The following MACROD2 variants were observed in gnomAD, a reference collection of about 807,000 sequenced individuals.
MACROD2 encodes ADP-ribose glycohydrolase MACROD2.
MACROD2 carries 36 observed loss-of-function variants against 70.4 expected under a neutral mutation model. That is an observed-to-expected ratio of 0.51 (90% CI 0.39 to 0.68). The LOEUF (loss-of-function observed/expected upper bound fraction) is 0.68, where lower values mean the gene tolerates loss of function less well. Ranked by LOEUF, MACROD2 falls within the 30% of genes least tolerant of loss-of-function variation. The pLI, the probability that MACROD2 is intolerant of heterozygous loss-of-function variation, is 0.00. For synonymous variants in MACROD2, 172 were observed against 178.8 expected (o/e 0.96, Z 0.30); for missense variants, 496 against 538.4 (o/e 0.92, Z 0.78).
intron 8 of MACROD2, among the ~76,000 whole-genome samples, chr20:15,780,399 A>G (rs1315578074): frequency 6.6e-6 from 1 of 152,052 alleles, no homozygotes; most frequent in Non-Finnish European, 1.5e-5. Flanking sequence ...CCATTGGGAG[A>G]ACAAAGGAAG....
At chr20:15,197,435 A>G (rs927579730) in intron 5 of MACROD2, among the ~76,000 whole-genome samples, 5 of 152,164 alleles carry the variant, frequency 3.3e-5, no homozygotes, top group African/African-American at 4.8e-5. Context: ...TTAGGCAACA[A>G]TGAAATGTTT....
intron 5 of MACROD2, among the ~76,000 whole-genome samples, chr20:15,172,559 TG>T (rs1272065475): frequency 1.3e-5 from 2 of 152,172 alleles, no homozygotes; most frequent in Non-Finnish European, 2.9e-5. Flanking sequence ...GCTACTGTTT[TG>T]TTTTTTTTTC....
At chr20:15,286,587 G>A (rs773007986) in intron 6 of MACROD2, among the ~76,000 whole-genome samples, 1 of 150,534 alleles carries the variant, frequency 6.6e-6, no homozygotes, top group African/African-American at 2.4e-5. Context: ...AGGTGGAGAC[G>A]AGGGCTACAA....
rs1265384033 is a variant in MACROD2 at position 15,256,707 on chromosome 20, TCAAA to T, written c.540+26651_540+26654del. Reference sequence around the variant, plus strand: ...GTGGTAAGAGGATACAATAAACTAATCAAACAAAGTTTCTGAAGTCTCATTAACC... The same window carrying T: ...GTGGTAAGAGGATACAATAAACTAATCAAAGTTTCTGAAGTCTCATTAACC... On this transcript the variant is annotated intron_variant, in intron 6 of 17. Coordinates refer to ENST00000684519, the MANE Select transcript of MACROD2 (RefSeq NM_001351661.2). Among the ~76,000 whole-genome samples, 6 of 152,030 alleles carry T rather than the reference TCAAA, an allele frequency of 3.9e-5. No homozygotes were observed. In the East Asian group the frequency reaches 5.8e-4, roughly 15 times the overall value.
At chr20:14,015,560 A>T (rs150247400) in intron 2 of MACROD2, among the ~76,000 whole-genome samples, 169 of 152,360 alleles carry the variant, frequency 1.1e-3, no homozygotes, top group African/African-American at 3.7e-3. Flanking sequence ...CCTGGGCAAC[A>T]GAGTAGACCT....
At chr20:14,466,835 G>T (rs1761529838) in intron 3 of MACROD2, among the ~76,000 whole-genome samples, 1 of 152,060 alleles carries the variant, frequency 6.6e-6, no homozygotes, top group African/African-American at 2.4e-5. Flanking sequence ...AGCAGTGGTG[G>T]CTGCAGAACA....
At chr20:14,956,028 T>TC (rs2074533758) in intron 5 of MACROD2, among the ~76,000 whole-genome samples, 1 of 148,636 alleles carries the variant, frequency 6.7e-6, no homozygotes, top group African/African-American at 2.5e-5. Flanking sequence ...TAGCTGTTTT[T>TC]TTTTTTTGTA....
At chr20:15,624,108 C>A (rs1600681410) in intron 8 of MACROD2, among the ~76,000 whole-genome samples, 1 of 152,254 alleles carries the variant, frequency 6.6e-6, no homozygotes, top group Non-Finnish European at 1.5e-5. Context: ...GGCTCGAGAG[C>A]CCCTGGCAAA....
chr20:15,909,759 G>A (rs1033624429), intron 10 of MACROD2, among the ~76,000 whole-genome samples: 13 of 151,806 alleles, frequency 8.6e-5, no homozygotes, highest in South Asian at 2.1e-4. Context: ...TCCTGACCTC[G>A]TGATCCGCCC....
chr20:15,499,221 T>C (rs1482002573), intron 7 of MACROD2, among the ~76,000 whole-genome samples: 2 of 152,320 alleles, frequency 1.3e-5, no homozygotes, highest in East Asian at 3.9e-4. Flanking sequence ...CAAGACCTGA[T>C]TATCTCATGC....
intron 4 of MACROD2, chr20:14,566,530 A>G (rs1005029420): frequency 1.1e-4 from 17 of 151,866 alleles, no homozygotes; most frequent in African/African-American, 4.1e-4. Context: ...GCAACAATTT[A>G]CACTAAAGCA....
At chr20:14,210,621 T>A (rs1259946528) in intron 3 of MACROD2, among the ~76,000 whole-genome samples, 1 of 152,210 alleles carries the variant, frequency 6.6e-6, no homozygotes, top group Non-Finnish European at 1.5e-5. Flanking sequence ...ATTACTATGT[T>A]GCAAAGTTGG....
At chr20:14,772,618 C>G (rs1048131718) in intron 5 of MACROD2, among the ~76,000 whole-genome samples, 5 of 152,050 alleles carry the variant, frequency 3.3e-5, no homozygotes, top group African/African-American at 4.8e-5. Context: ...CCTCCCATAA[C>G]ACGTGGGAAT....
At chr20:14,800,822 A>G (rs1568803254) in intron 5 of MACROD2, among the ~76,000 whole-genome samples, 1 of 150,848 alleles carries the variant, frequency 6.6e-6, no homozygotes, top group Admixed American at 6.6e-5. Flanking sequence ...ATCTCAGCCT[A>G]TTTAATTGTA....
chr20:14,783,406 A>G (rs2123789001), intron 5 of MACROD2, among the ~76,000 whole-genome samples: 1 of 152,194 alleles, frequency 6.6e-6, no homozygotes, highest in East Asian at 1.9e-4. Flanking sequence ...AACATCTCTT[A>G]TTTTGTTGTG....
At chr20:15,614,201 CCAAA>C (rs565340416) in intron 8 of MACROD2, among the ~76,000 whole-genome samples, 121 of 152,270 alleles carry the variant, frequency 7.9e-4, no homozygotes, top group African/African-American at 2.6e-3. Context: ...TAACGTCATG[CCAAA>C]CAAATAGGAA....
intron 5 of MACROD2, among the ~76,000 whole-genome samples, chr20:14,733,283 T>C (rs1600601354): frequency 6.6e-6 from 1 of 152,288 alleles, no homozygotes; most frequent in East Asian, 1.9e-4. Flanking sequence ...AAAATAATAC[T>C]TCTCCTAATT....
chr20:16,046,816 G>T (rs574893887), intron 17 of MACROD2, among the ~76,000 whole-genome samples: 1 of 151,564 alleles, frequency 6.6e-6, no homozygotes, highest in Admixed American at 6.6e-5. Context: ...GAGTAGCTGG[G>T]ATTACAGTCG....
intron 6 of MACROD2, among the ~76,000 whole-genome samples, chr20:15,254,683 A>G (rs1216381289): frequency 6.6e-6 from 1 of 152,196 alleles, no homozygotes; most frequent in African/African-American, 2.4e-5. Flanking sequence ...AAGGTGCTAA[A>G]GACACTATTA....
Sources: gnomAD v4.1 joint callset for allele counts (sites outside exome capture counted in the v4.1 genomes callset) on GRCh38, gnomAD v4.1.1 for gene constraint, MANE v1.5 for transcripts, NCBI Gene and HGNC (gene_info 2026-07-23, HGNC 2026-07-21) for gene names.